The following TSR3 variants were observed in gnomAD, a reference collection of about 807,000 sequenced individuals.
The protein encoded by TSR3 is 18S rRNA aminocarboxypropyltransferase.
TSR3 carries 31 observed loss-of-function variants against 28.1 expected under a neutral mutation model. That is an observed-to-expected ratio of 1.10 (90% CI 0.83 to 1.49). The LOEUF (loss-of-function observed/expected upper bound fraction) is 1.49. Among genes scored for constraint, TSR3 ranks in the 40% most tolerant of loss-of-function variants. TSR3 has a pLI of 0.00. For missense variants in TSR3, 511 were observed against 444.0 expected, an observed-to-expected ratio of 1.15 and a Z score of -1.36; for synonymous variants, 219 against 197.2, an observed-to-expected ratio of 1.11 and a Z score of -0.93.
Position 1,349,392 on chromosome 16 carries a change from G to A in TSR3, c.*45C>T, listed in dbSNP as rs375710057. 230 of 1,608,062 alleles carry A rather than the reference G, an allele frequency of 1.4e-4. No homozygotes were observed. The highest frequency in any genetic ancestry group is 2.6e-5 in the Non-Finnish European group (31 of 1,175,200). Reference sequence around the variant, plus strand: ...CCCATTTATGTCCCTCATGTCTCTAGATTTTCTCGTCACCCAGCCTCAAAA... The same window carrying A: ...CCCATTTATGTCCCTCATGTCTCTAAATTTTCTCGTCACCCAGCCTCAAAA... On this transcript the variant is annotated 3_prime_UTR_variant, in exon 6 of 6. Coordinates refer to ENST00000007390, the MANE Select transcript of TSR3 (RefSeq NM_001001410.3).
chr16:1,351,477 C>A lies in TSR3; in HGVS notation c.234G>T (p.Leu78=). 1 of 1,581,514 alleles carries A rather than the reference C, an allele frequency of 6.3e-7. No individual in the cohort carries two copies. Among genetic ancestry groups the A allele is most frequent in the East Asian group, 2.3e-5 (1 of 43,704 alleles). Residue 78 remains leucine, a synonymous_variant, in exon 2 of 6, where the codon CTG becomes CTT. Coordinates refer to ENST00000007390, the MANE Select transcript of TSR3 (RefSeq NM_001001410.3). ...GGCAGCGCACCAGCCCCAGGCGGGC[C>A]AGCTTGCGGCCCGTGCAGCGCCGGG... ...CDPRRCTGRK[L]ARLGLVRCLR...
rs1338397064 is a variant in TSR3 at position 1,349,582 on chromosome 16, T to TC, written c.793dup (p.Asp265GlyfsTer4). 2 of 1,609,604 alleles carry TC rather than the reference T, an allele frequency of 1.2e-6. No individual in the cohort carries two copies. Among genetic ancestry groups the TC allele is most frequent in the Middle Eastern group, 3.3e-4 (2 of 6,048 alleles). On this transcript the variant is annotated frameshift_variant, in exon 6 of 6. Coordinates refer to ENST00000007390, the MANE Select transcript of TSR3 (RefSeq NM_001001410.3). LOFTEE classifies it low-confidence loss of function (END_TRUNC). Reference sequence around the variant, plus strand: ...GCCAGGCCCTGGGTCCTCAGACGCATCACTGTCATCAGTGTCCGAGGGCAG... The same window carrying TC: ...GCCAGGCCCTGGGTCCTCAGACGCATCCACTGTCATCAGTGTCCGAGGGCAG...
At chr16:1,350,774 C>A (rs764599725) in intron 3 of TSR3, 33 bp downstream of exon 3, 10 of 1,595,692 alleles carry the variant, frequency 6.3e-6, no homozygotes, top group African/African-American at 1.3e-5. Flanking sequence ...AGCAGGCCGC[C>A]GGGTCACACT....
At chr16:1,351,246 G>A (rs1342831624) in intron 2 of TSR3, 133 bp downstream of exon 2, 2 of 1,105,780 alleles carry the variant, frequency 1.8e-6, no homozygotes, top group South Asian at 1.6e-5. Flanking sequence ...ACGCAACGGA[G>A]GCAAACTAGA....
rs2034605954 is a variant in TSR3 at position 1,349,500 on chromosome 16, C to T, written c.876G>A (p.Arg292=). The change falls in exon 6 of 6, where the codon CGG becomes CGA. Residue 292 remains arginine (R), a synonymous_variant. Transcript: ENST00000007390. The part of the protein sequence containing the change: ...SCCEEEQTQG[R]GAEARAPAEV... ...CAGCCGGGGCCCTGGCCTCAGCCCC[C>T]CGTCCCTGCGTCTGCTCCTCTTCAC... is the stretch of plus-strand genomic sequence containing the variant. 2.5e-6 allele frequency: 4 copies of T among 1,613,730 alleles called. No individual in the cohort carries two copies. Among genetic ancestry groups the T allele is most frequent in the African/African-American group, 1.3e-5 (1 of 75,064 alleles).
rs375861067 is a variant in TSR3 at position 1,351,450 on chromosome 16, C to A, written c.261G>T (p.Leu87=). The A allele has an allele frequency of 2.0e-4, 314 of 1,593,626 alleles. No individual in the cohort carries two copies. In the African/African-American group the frequency reaches 3.8e-3, roughly 19 times the overall value. ...KLARLGLVRC[L]RLGHRFGGLV... ...GACCGCCGAATCTGTGGCCCAGGCG[C>A]AGGCAGCGCACCAGCCCCAGGCGGG... is the stretch of plus-strand genomic sequence containing the variant. The change falls in exon 2 of 6, where the codon CTG becomes CTT. Residue 87 remains leucine, a synonymous_variant. Transcript: ENST00000007390.
In TSR3 at chr16:1,349,497, C is replaced by G; in HGVS notation, c.879G>C (p.Gly293=). ...CCEEEQTQGR[G]AEARAPAEVW... The stretch of plus-strand genomic sequence containing the variant: ...CCTCAGCCGGGGCCCTGGCCTCAGC[C>G]CCCCGTCCCTGCGTCTGCTCCTCTT... The change falls in exon 6 of 6, where the codon GGG becomes GGC. Residue 293 remains glycine, a synonymous_variant. Transcript: ENST00000007390. 1.2e-6 allele frequency: 2 copies of G among 1,613,772 alleles called. No individual in the cohort carries two copies. The highest frequency in any genetic ancestry group is 8.5e-7 in the Non-Finnish European group (1 of 1,180,004).
In TSR3 at chr16:1,351,790, C is replaced by T. The variant is rs1211214019; in HGVS notation, c.15G>A (p.Arg5=). 3.0e-6 allele frequency: 4 copies of T among 1,330,936 alleles called. No individual in the cohort carries two copies. Among genetic ancestry groups the T allele is most frequent in the Non-Finnish European group, 3.8e-6 (4 of 1,047,124 alleles). 82.4% of individuals were successfully genotyped at this position (1,330,936 alleles called of 1,614,324 possible). The change falls in exon 1 of 6, where the codon AGG becomes AGA. Residue 5 remains arginine (R), a synonymous_variant. Transcript: ENST00000007390. ...CTTCCGCCCCCGGCCCGCGCGCTGC[C>T]CTCCTGCGGCCCATGGCGCGGACCT... MGRR[R]AARGPGAEGG...
chr16:1,349,788 G>A, intron 5 of TSR3, 101 bp downstream of exon 5: 6 of 1,481,486 alleles, frequency 4.0e-6, no homozygotes, highest in Non-Finnish European at 5.6e-6. Context: ...CCATCGGGGT[G>A]TTGTTTACAA....
In TSR3 at chr16:1,351,481, T is replaced by G. The variant is rs767846951; in HGVS notation, c.230A>C (p.Lys77Thr). The G allele has an allele frequency of 3.9e-5, 61 of 1,578,174 alleles. No individual in the cohort carries two copies. Among genetic ancestry groups the G allele is most frequent in the Non-Finnish European group, 5.0e-5 (58 of 1,170,542 alleles). Residue 77 changes from lysine to threonine, a missense_variant, in exon 2 of 6, where the codon AAG (lysine) becomes ACG (threonine). Lys to Thr is a moderately conservative substitution (Grantham distance 78, BLOSUM62 -1). Transcript: ENST00000007390. ...GCGCACCAGCCCCAGGCGGGCCAGC[T>G]TGCGGCCCGTGCAGCGCCGGGGGTC... ...HCDPRRCTGR[K>T]LARLGLVRCL...
chr16:1,349,836 G>A, intron 5 of TSR3, 53 bp downstream of exon 5: 5 of 1,599,934 alleles, frequency 3.1e-6, no homozygotes, highest in South Asian at 1.1e-5. Flanking sequence ...CAGGCCAGAG[G>A]TAGAAGAGAG....
chr16:1,349,966 G>C lies in TSR3; in HGVS notation c.704-14C>G. On this transcript the variant is annotated splice_polypyrimidine_tract_variant and intron_variant, in intron 4 of 5. Transcript: ENST00000007390. ...CATCGAAGGGATCTGAGCCGAGAGA[G>C]GAAAGTGGCCTCTAAGTGAGCTCAG... is the stretch of plus-strand genomic sequence containing the variant. 6.2e-7 allele frequency: 1 copy of C among 1,612,514 alleles called. No individual in the cohort carries two copies. The highest frequency in any genetic ancestry group is 1.3e-5 in the African/African-American group (1 of 75,034).
chr16:1,350,838 C>T lies in TSR3; in HGVS notation c.495G>A (p.Val165=). The stretch of plus-strand genomic sequence containing the variant: ...TGCAGAAGGTGGCAGCAAACGCTTC[C>T]ACGCAGGAAAGTCTGTAGGGCCGGC... ...NYGRPYRLSC[V]EAFAATFCIV... Residue 165 remains valine, a synonymous_variant, in exon 3 of 6, where the codon GTG becomes GTA. Coordinates refer to ENST00000007390, the MANE Select transcript of TSR3 (RefSeq NM_001001410.3). 1 of 1,613,010 alleles carries T rather than the reference C, an allele frequency of 6.2e-7. No homozygotes were observed. Among genetic ancestry groups the T allele is most frequent in the South Asian group, 1.1e-5 (1 of 91,086 alleles).
chr16:1,351,770 G>T lies in TSR3; in HGVS notation c.35C>A (p.Ala12Glu). The T allele has an allele frequency of 7.4e-7, 1 of 1,346,560 alleles. No homozygotes were observed. The allele number at this position is 1,346,560 out of a possible 1,614,324, so 83.4% of individuals were successfully genotyped here. ...GAGGTGCCGAGGGCGGCCGCCTTCC[G>T]CCCCCGGCCCGCGCGCTGCCCTCCT... ...GRRRAARGPG[A>E]EGGRPRHLPT... is the part of the protein sequence containing the mutation. Residue 12 changes from alanine to glutamate, a missense_variant, in exon 1 of 6, where the codon GCG becomes GAG. By Grantham distance (107) the Ala-to-Glu change is moderately radical. Coordinates refer to ENST00000007390, the MANE Select transcript of TSR3 (RefSeq NM_001001410.3).
chr16:1,351,555 GC>G lies in TSR3; in HGVS notation c.155del (p.Gly52AlafsTer47). 6.8e-7 allele frequency: 1 copy of G among 1,476,052 alleles called. No homozygotes were observed. The highest frequency in any genetic ancestry group is 8.9e-7 in the Non-Finnish European group (1 of 1,122,684). 91.4% of individuals were successfully genotyped at this position (1,476,052 alleles called of 1,614,324 possible). Reference sequence around the variant, plus strand: ...CCAGCGTGCAGGGCAGCGCCGCCGGGCCCGGGCCGCCCTCGCCGTCAGCCGC... The same window carrying G: ...CCAGCGTGCAGGGCAGCGCCGCCGGGCCGGGCCGCCCTCGCCGTCAGCCGC... ...PGAADGEGGP[G>X]PAALPCTLAM... On this transcript the variant is annotated frameshift_variant, in exon 2 of 6. Coordinates refer to ENST00000007390, the MANE Select transcript of TSR3 (RefSeq NM_001001410.3). LOFTEE classifies it high-confidence loss of function.
Position 1,349,603 on chromosome 16 carries a change from G to A in TSR3, c.773C>T (p.Pro258Leu), listed in dbSNP as rs761089652. The A allele has an allele frequency of 6.3e-7, 1 of 1,595,618 alleles. No homozygotes were observed. The highest frequency in any genetic ancestry group is 8.5e-7 in the Non-Finnish European group (1 of 1,170,562). ...PNRPVASTRL[P>L]SDTDDSDASE... ...CGCATCACTGTCATCAGTGTCCGAGGGCAGCCTGGGAGAGGAGGGGGAGCA... is the reference window on the plus strand; with the variant it reads ...CGCATCACTGTCATCAGTGTCCGAGAGCAGCCTGGGAGAGGAGGGGGAGCA... Residue 258 changes from proline to leucine, a missense_variant, in exon 6 of 6, where the codon CCC (proline) becomes CTC (leucine). Pro to Leu is a moderately conservative substitution (Grantham distance 98). Coordinates refer to ENST00000007390, the MANE Select transcript of TSR3 (RefSeq NM_001001410.3).
In TSR3 at chr16:1,351,402, C is replaced by A. The variant is rs750211248; in HGVS notation, c.309G>T (p.Lys103Asn). The A allele has an allele frequency of 6.9e-6, 11 of 1,594,426 alleles. No individual in the cohort carries two copies. In the South Asian group the frequency reaches 1.1e-4, roughly 16 times the overall value. ...ACCTGTCTGCGGGGGACGCGTACTG[C>A]TTGCCCACGGGGCTCAGCACCAGAC... ...FGGLVLSPVG[K>N]QYASPADRQL... is the part of the protein sequence containing the mutation. Residue 103 changes from lysine to asparagine, a missense_variant, in exon 2 of 6, where the codon AAG (lysine) becomes AAT (asparagine). By Grantham distance (94) the Lys-to-Asn change is moderately conservative (BLOSUM62 0). Transcript: ENST00000007390.
At position 1,350,355 on chromosome 16, in the gene TSR3, A is replaced by G. The variant is rs548655266; in HGVS notation, c.527-121T>C. The G allele has an allele frequency of 3.5e-5, 39 of 1,118,456 alleles. No individual in the cohort carries two copies. In the East Asian group the frequency reaches 1.0e-3, roughly 29 times the overall value. 69.3% of individuals were successfully genotyped at this position (1,118,456 alleles called of 1,614,324 possible). A position where few individuals can be genotyped will look rare whatever the true frequency, so the allele number is the denominator to read the frequency against. On this transcript the variant is annotated intron_variant, in intron 3 of 5. Coordinates refer to ENST00000007390, the MANE Select transcript of TSR3 (RefSeq NM_001001410.3). ...AACCGCAGGGTCCCCAGCAAACATC[A>G]GCTCACAGTCCTGAGAACCCGTGCT...
chr16:1,349,490 C>CCTCA lies in TSR3; in HGVS notation c.882_885dup (p.Ala296Ter). The CCTCA allele has an allele frequency of 5.0e-6, 8 of 1,613,744 alleles. No individual in the cohort carries two copies. The highest frequency in any genetic ancestry group is 6.8e-6 in the Non-Finnish European group (8 of 1,179,992). ...TTCCAAACCTCAGCCGGGGCCCTGG[C>CCTCA]CTCAGCCCCCCGTCCCTGCGTCTGC... On this transcript the variant is annotated stop_gained and frameshift_variant, in exon 6 of 6. Transcript: ENST00000007390. LOFTEE classifies it high-confidence loss of function.
Sources: allele counts gnomAD v4.1 joint callset, GRCh38; gene constraint gnomAD v4.1.1; transcripts MANE v1.5; gene names NCBI Gene and HGNC (gene_info 2026-07-23, HGNC 2026-07-21).